NIPAL2: variants seen among roughly 807,000 people sequenced by gnomAD.
NIPAL2 encodes the protein NIPA like domain containing 2.
A neutral mutation model predicts 48.9 loss-of-function variants in NIPAL2; 43 were observed. That is an observed-to-expected ratio of 0.88 (90% CI 0.69 to 1.13). NIPAL2 has a LOEUF of 1.13. Among genes scored for constraint, NIPAL2 ranks in the 50% most tolerant of loss-of-function variants. NIPAL2 has a pLI of 0.00. For missense variants in NIPAL2, 446 were observed against 461.4 expected (o/e 0.97, Z 0.31); for synonymous variants, 167 against 174.6 (o/e 0.96, Z 0.34).
intron 1 of NIPAL2, among the ~76,000 whole-genome samples, chr8:98,266,073 A>G (rs1250285473): frequency 7.1e-6 from 1 of 140,544 alleles, no homozygotes; most frequent in Non-Finnish European, 1.5e-5. Flanking sequence ...ATAGGTGGGA[A>G]TTGAACAATG....
intron 1 of NIPAL2, among the ~76,000 whole-genome samples, chr8:98,275,990 A>G: frequency 6.6e-6 from 1 of 152,224 alleles, no homozygotes; most frequent in Non-Finnish European, 1.5e-5. Context: ...AGGAAGGTAC[A>G]GATTTCCTAT....
At chr8:98,288,883 C>T (rs879812080) in intron 1 of NIPAL2, among the ~76,000 whole-genome samples, 73 of 152,218 alleles carry the variant, frequency 4.8e-4, no homozygotes, top group Non-Finnish European at 8.7e-4. Context: ...CCCTCCCTTT[C>T]CCTCCTCCCA....
intron 1 of NIPAL2, among the ~76,000 whole-genome samples, chr8:98,255,286 TATA>T (rs1373563449): frequency 1.3e-5 from 2 of 152,224 alleles, no homozygotes; most frequent in African/African-American, 2.4e-5. Context: ...GGTCCAAAAG[TATA>T]ATATCTGCTA....
chr8:98,281,314 G>A (rs1016163956), intron 1 of NIPAL2, among the ~76,000 whole-genome samples: 1 of 150,586 alleles, frequency 6.6e-6, no homozygotes, highest in Non-Finnish European at 1.5e-5. Flanking sequence ...AGCTCAGAAG[G>A]AGTAGAAGGA....
intron 5 of NIPAL2, among the ~76,000 whole-genome samples, chr8:98,219,167 A>G (rs1407258610): frequency 6.6e-6 from 1 of 152,078 alleles, no homozygotes; most frequent in Non-Finnish European, 1.5e-5. Flanking sequence ...TTGGTTTTTG[A>G]TATGTTACAT....
chr8:98,259,107 C>T (rs11785107), intron 1 of NIPAL2, among the ~76,000 whole-genome samples: 28,438 of 105,928 alleles, frequency 0.27, 3,899 homozygotes, highest in Middle Eastern at 0.41. Context: ...GACGGAGTTT[C>T]GCTCTGTCGC....
Position 98,192,770 on chromosome 8 carries a change from A to G in NIPAL2, c.*208T>C. The G allele has an allele frequency of 1.7e-6, 1 of 583,684 alleles. No homozygotes were observed. Among genetic ancestry groups the G allele is most frequent in the Non-Finnish European group, 3.1e-6 (1 of 327,808 alleles). The allele number at this position is 583,684 out of a possible 1,614,324, so 36.2% of individuals were successfully genotyped here. On this transcript the variant is annotated 3_prime_UTR_variant, in exon 11 of 11. Transcript: ENST00000430223. ...CTAGGGAGAGGTCCAGGGTGTGGGG[A>G]ACACTCCAAATCACATTCCATGGAA...
intron 1 of NIPAL2, among the ~76,000 whole-genome samples, chr8:98,283,530 T>C (rs1271839994): frequency 1.3e-5 from 2 of 152,234 alleles, no homozygotes; most frequent in Non-Finnish European, 2.9e-5. Context: ...TATAGGGCCT[T>C]ATAATTTTCA....
At chr8:98,211,170 T>C (rs1811292807) in intron 6 of NIPAL2, among the ~76,000 whole-genome samples, 1 of 152,198 alleles carries the variant, frequency 6.6e-6, no homozygotes. Flanking sequence ...GATGTCCAAT[T>C]TGAGAATATT....
intron 4 of NIPAL2, among the ~76,000 whole-genome samples, chr8:98,225,225 C>T (rs1812108105): frequency 6.6e-6 from 1 of 152,168 alleles, no homozygotes; most frequent in Non-Finnish European, 1.5e-5. Flanking sequence ...TGGGTAGCTG[C>T]CACCAGTTGC....
intron 5 of NIPAL2, chr8:98,217,082 A>T: frequency 6.1e-6 from 6 of 985,462 alleles, no homozygotes; most frequent in Non-Finnish European, 7.2e-6. Flanking sequence ...CATTTTGGCA[A>T]GGATGGGGAT....
chr8:98,245,295 C>T (rs545901284), intron 3 of NIPAL2, among the ~76,000 whole-genome samples: 38 of 152,248 alleles, frequency 2.5e-4, no homozygotes, highest in African/African-American at 7.0e-4. Context: ...TATCATTCCC[C>T]GTTAGTTGTA....
chr8:98,260,711 C>T (rs1292123317), intron 1 of NIPAL2, among the ~76,000 whole-genome samples: 5 of 152,306 alleles, frequency 3.3e-5, no homozygotes, highest in South Asian at 2.1e-4. Flanking sequence ...GAGGGGTGCC[C>T]GCCATTGCCC....
Position 98,192,750 on chromosome 8 carries a change from G to T in NIPAL2, c.*228C>A. On this transcript the variant is annotated 3_prime_UTR_variant, in exon 11 of 11. Transcript: ENST00000430223. ...TGTAGCTGGCTAGATAATCACTAGG[G>T]AGAGGTCCAGGGTGTGGGGAACACT... The T allele has an allele frequency of 1.8e-6, 1 of 541,990 alleles. No homozygotes were observed. Among genetic ancestry groups the T allele is most frequent in the Non-Finnish European group, 3.3e-6 (1 of 303,810 alleles). 33.6% of individuals were successfully genotyped at this position (541,990 alleles called of 1,614,324 possible).
chr8:98,256,722 A>G (rs564457126), intron 1 of NIPAL2, among the ~76,000 whole-genome samples: 1 of 152,302 alleles, frequency 6.6e-6, no homozygotes, highest in South Asian at 2.1e-4. Flanking sequence ...TGCTGCAGCC[A>G]CTGTGGAAAA....
intron 1 of NIPAL2, among the ~76,000 whole-genome samples, chr8:98,266,825 T>C (rs1012357772): frequency 1.3e-5 from 2 of 152,140 alleles, no homozygotes; most frequent in African/African-American, 4.8e-5. Context: ...TTTGGAGACC[T>C]AAATGAATGA....
At chr8:98,248,524 G>C (rs1166360376) in intron 3 of NIPAL2, among the ~76,000 whole-genome samples, 2 of 152,084 alleles carry the variant, frequency 1.3e-5, no homozygotes, top group African/African-American at 4.8e-5. Flanking sequence ...CACTTTACAG[G>C]CTAGGGATCT....
At chr8:98,209,366 T>C (rs900834088) in intron 6 of NIPAL2, among the ~76,000 whole-genome samples, 2 of 141,542 alleles carry the variant, frequency 1.4e-5, no homozygotes, top group Non-Finnish European at 3.0e-5. Context: ...CCTAGCACTT[T>C]GGGAAGGTGA....
chr8:98,264,145 T>A (rs563916233), intron 1 of NIPAL2, among the ~76,000 whole-genome samples: 2 of 151,748 alleles, frequency 1.3e-5, no homozygotes, highest in South Asian at 4.2e-4. Context: ...TAATAAGAGC[T>A]ATCTATGACA....
Sources: gnomAD v4.1 joint callset for allele counts (sites outside exome capture counted in the v4.1 genomes callset) on GRCh38, gnomAD v4.1.1 for gene constraint, MANE v1.5 for transcripts, NCBI Gene and HGNC (gene_info 2026-07-23, HGNC 2026-07-21) for gene names.